Variants in LAMB1 observed in about 807,000 individuals in gnomAD.
LAMB1 encodes laminin subunit beta 1.
Under a neutral mutation model 222.3 loss-of-function variants are expected in LAMB1, and 121 were observed. The ratio of observed to expected loss-of-function variants is 0.54; its 90% confidence interval spans 0.47 to 0.63. The LOEUF is 0.63. Ranked by LOEUF, LAMB1 falls within the 30% of genes least tolerant of loss-of-function variation. The probability of loss-of-function intolerance (pLI) is 0.00; values close to 1 mark genes in which losing one functional copy is unlikely to be tolerated. For synonymous variants in LAMB1, 794 were observed against 807.2 expected, an observed-to-expected ratio of 0.98 and a Z score of 0.28; for missense variants, 2,172 against 2,240.8, an observed-to-expected ratio of 0.97 and a Z score of 0.62.
Position 107,951,289 on chromosome 7 carries a change from C to T in LAMB1, c.3328G>A (p.Gly1110Arg). The change falls in exon 24 of 34, where the codon GGA becomes AGA. Residue 1110 changes from glycine to arginine, a missense_variant. Coordinates refer to ENST00000222399, the MANE Select transcript of LAMB1 (RefSeq NM_002291.3). ...TGQCQCMPGF[G>R]GRTCSECQEL... ...TGGCACTCGCTGCAGGTGCGGCCTC[C>T]AAACCCAGGCATGCACTGGCACTGC... The T allele has an allele frequency of 1.2e-6, 2 of 1,614,162 alleles. No homozygotes were observed. Among genetic ancestry groups the T allele is most frequent in the Non-Finnish European group, 8.5e-7 (1 of 1,180,020 alleles).
At chr7:107,940,576 C>A in intron 24 of LAMB1, 1 of 563,902 alleles carries the variant, frequency 1.8e-6, no homozygotes, top group Non-Finnish European at 3.2e-6. Flanking sequence ...ATACTTTAAA[C>A]AGAAATGTTT....
chr7:107,977,988 T>C (rs546786350), intron 9 of LAMB1, 59 bp downstream of exon 9: 2 of 1,600,400 alleles, frequency 1.2e-6, no homozygotes, highest in Admixed American at 1.7e-5. Flanking sequence ...GTACCTCTAA[T>C]TAGGAAATGG....
At chr7:107,959,930 A>C in intron 18 of LAMB1, 96 bp from the exon 19 acceptor site, 1 of 1,457,682 alleles carries the variant, frequency 6.9e-7, no homozygotes, top group Non-Finnish European at 9.2e-7. Context: ...GATTATTCAG[A>C]GTTCTGGTTT....
Position 107,953,736 on chromosome 7 carries a change from C to T in LAMB1, c.2873G>A (p.Cys958Tyr). The change falls in exon 22 of 34, where the codon TGT becomes TAT. Residue 958 changes from cysteine to tyrosine, a missense_variant. Coordinates refer to ENST00000222399, the MANE Select transcript of LAMB1 (RefSeq NM_002291.3). ...PGYIGSRCDD[C>Y]ASGYFGNPSE... is the part of the protein sequence containing the mutation. ...TGGATTGCCAAAGTATCCTGAGGCA[C>T]AGTCGTCACATCTGGAACCTGTCAC... 1 of 1,614,156 alleles carries T rather than the reference C, an allele frequency of 6.2e-7. No individual in the cohort carries two copies. The highest frequency in any genetic ancestry group is 8.5e-7 in the Non-Finnish European group (1 of 1,179,992).
chr7:107,971,851 A>G (rs1413856342), intron 13 of LAMB1, among the ~76,000 whole-genome samples: 2 of 152,226 alleles, frequency 1.3e-5, no homozygotes, highest in African/African-American at 4.8e-5. Flanking sequence ...ATCATAGGAC[A>G]TTCCTGAGTT....
In LAMB1 at chr7:107,975,273, A is replaced by C. The variant is rs201332973; in HGVS notation, c.1330T>G (p.Phe444Val). ...GGATCTTCACTGCTTAAATCATAGAAGCCTTCTTTGCAAACATCACAATGT... is the reference window on the plus strand; with the variant it reads ...GGATCTTCACTGCTTAAATCATAGACGCCTTCTTTGCAAACATCACAATGT... ...GEHCDVCKEG[F>V]YDLSSEDPFG... Residue 444 changes from phenylalanine (F) to valine (V), a missense_variant, in exon 11 of 34, where the codon TTC becomes GTC. Coordinates refer to ENST00000222399, the MANE Select transcript of LAMB1 (RefSeq NM_002291.3). The C allele has an allele frequency of 2.5e-6, 4 of 1,614,110 alleles. No homozygotes were observed. In the East Asian group the frequency reaches 8.9e-5, roughly 36 times the overall value.
intron 28 of LAMB1, 160 bp from the exon 29 acceptor site, chr7:107,931,660 A>G (rs1302187450): frequency 1.5e-6 from 1 of 670,918 alleles, no homozygotes. Flanking sequence ...TGTATCTTAC[A>G]GACTGCAAGT....
intron 8 of LAMB1, 56 bp downstream of exon 8, chr7:107,980,553 T>C (rs776893079): frequency 2.0e-5 from 28 of 1,418,604 alleles, no homozygotes; most frequent in Non-Finnish European, 2.7e-5. Flanking sequence ...CTAGCTTCAC[T>C]TTGCATTTTA....
chr7:107,937,792 C>T (rs923804065), intron 25 of LAMB1, among the ~76,000 whole-genome samples: 2 of 152,204 alleles, frequency 1.3e-5, no homozygotes, highest in Admixed American at 6.5e-5. Flanking sequence ...AGCTTTCATA[C>T]ACTCCTCTCT....
At chr7:107,953,078 C>T (rs1218184772) in intron 22 of LAMB1, among the ~76,000 whole-genome samples, 1 of 152,168 alleles carries the variant, frequency 6.6e-6, no homozygotes, top group African/African-American at 2.4e-5. Context: ...TAAAAATGAC[C>T]AGGTGCAACG....
At chr7:108,001,948 C>T (rs937896658) in intron 2 of LAMB1, 2 of 1,454,464 alleles carry the variant, frequency 1.4e-6, no homozygotes, top group Non-Finnish European at 1.8e-6. Context: ...GAAACCCACA[C>T]ACGTCATCAG....
intron 13 of LAMB1, among the ~76,000 whole-genome samples, chr7:107,970,027 G>A (rs1286387453): frequency 6.6e-6 from 1 of 152,158 alleles, no homozygotes; most frequent in East Asian, 1.9e-4. Flanking sequence ...TTGAGTACCT[G>A]CCAGGTCCAC....
chr7:107,925,923 G>C (rs1584479803), intron 32 of LAMB1, among the ~76,000 whole-genome samples: 2 of 140,756 alleles, frequency 1.4e-5, no homozygotes, highest in South Asian at 4.5e-4. Flanking sequence ...AGCCTGTTTT[G>C]AGACTTCTAC....
chr7:107,949,589 G>C (rs1255186938), intron 24 of LAMB1, among the ~76,000 whole-genome samples: 1 of 152,194 alleles, frequency 6.6e-6, no homozygotes, highest in Non-Finnish European at 1.5e-5. Flanking sequence ...TGGAAGAGGG[G>C]ATGTCAGATC....
rs1378650599 is a variant in LAMB1 at position 107,994,846 on chromosome 7, G to GCT, written c.423+39_423+40dup. The GCT allele has an allele frequency of 4.6e-6, 5 of 1,095,860 alleles. No homozygotes were observed. The South Asian group carries it at 6.3e-5, about 14-fold the overall frequency. 67.9% of individuals were successfully genotyped at this position (1,095,860 alleles called of 1,614,324 possible). On this transcript the variant is annotated intron_variant, in intron 5 of 33. Transcript: ENST00000222399. The stretch of plus-strand genomic sequence containing the variant: ...ATTTTGAAAGGGGACATTACACAGT[G>GCT]CTCTCATGTGTCATTTGTGAGAAAG...
At chr7:107,982,597 T>C (rs376067750) in intron 7 of LAMB1, among the ~76,000 whole-genome samples, 1 of 152,138 alleles carries the variant, frequency 6.6e-6, no homozygotes, top group African/African-American at 2.4e-5. Flanking sequence ...CAAGCGCCTA[T>C]TGACAAGAGG....
At position 107,937,157 on chromosome 7, in the gene LAMB1, G is replaced by A; in HGVS notation, c.3882C>T (p.Ser1294=). 1 of 1,614,032 alleles carries A rather than the reference G, an allele frequency of 6.2e-7. No individual in the cohort carries two copies. Among genetic ancestry groups the A allele is most frequent in the Non-Finnish European group, 8.5e-7 (1 of 1,179,960 alleles). Residue 1294 remains serine, a synonymous_variant, in exon 26 of 34, where the codon AGC becomes AGT. Transcript: ENST00000222399. ...ELDSLQTEAE[S]LDNTVKELAE... ...CAAGTTCTTTCACAGTGTTGTCTAG[G>A]CTTTCGGCTTCTGTCTGTAGAGAAT...
At chr7:108,002,302 AG>A in intron 2 of LAMB1, 1 of 1,310,756 alleles carries the variant, frequency 7.6e-7, no homozygotes, top group Non-Finnish European at 1.0e-6. Context: ...TTCCGGAGCT[AG>A]GGGAGCCCAT....
chr7:107,993,219 C>T (rs1032943214), intron 5 of LAMB1, among the ~76,000 whole-genome samples: 15 of 152,282 alleles, frequency 9.9e-5, no homozygotes, highest in African/African-American at 2.4e-4. Flanking sequence ...CTGCAACCTT[C>T]GCCTGCAGGG....
Sources: allele counts gnomAD v4.1 joint callset (sites outside exome capture counted in the v4.1 genomes callset), GRCh38; gene constraint gnomAD v4.1.1; transcripts MANE v1.5; gene names NCBI Gene and HGNC (gene_info 2026-07-23, HGNC 2026-07-21).